The following CREB3L2 variants were observed in gnomAD, a reference collection of about 807,000 sequenced individuals.
CREB3L2 encodes cyclic AMP-responsive element-binding protein 3-like protein 2.
CREB3L2 carries 23 observed loss-of-function variants against 57.2 expected under a neutral mutation model. The observed-to-expected ratio is 0.40, with a 90% CI of 0.29 to 0.57. The LOEUF (loss-of-function observed/expected upper bound fraction) is 0.57, where lower values mean the gene tolerates loss of function less well. Among genes scored for constraint, CREB3L2 ranks in the 20% least tolerant of loss-of-function variants. The probability of loss-of-function intolerance (pLI) is 0.42; values close to 1 mark genes in which losing one functional copy is unlikely to be tolerated. For synonymous variants in CREB3L2, 268 were observed against 265.1 expected, an observed-to-expected ratio of 1.01 and a Z score of -0.11; for missense variants, 628 against 634.7, an observed-to-expected ratio of 0.99 and a Z score of 0.11.
chr7:137,969,369 CAG>C (rs1319112361), intron 1 of CREB3L2, among the ~76,000 whole-genome samples: 1 of 109,120 alleles, frequency 9.2e-6, no homozygotes, highest in African/African-American at 3.7e-5. Flanking sequence ...TTTTTTGAGA[CAG>C]AGTCTCATGC....
chr7:137,886,504 C>G (rs116627010), intron 8 of CREB3L2, among the ~76,000 whole-genome samples: 1 of 152,120 alleles, frequency 6.6e-6, no homozygotes, highest in African/African-American at 2.4e-5. Flanking sequence ...AAAACAAGAA[C>G]GGCTCTGTTT....
intron 4 of CREB3L2, among the ~76,000 whole-genome samples, chr7:137,910,583 A>C (rs985349453): frequency 6.6e-6 from 1 of 151,992 alleles, no homozygotes; most frequent in Admixed American, 6.6e-5. Flanking sequence ...AAACAAACAA[A>C]AAAACGGGAA....
chr7:137,976,229 C>T (rs1801605886), intron 1 of CREB3L2, among the ~76,000 whole-genome samples: 1 of 152,174 alleles, frequency 6.6e-6, no homozygotes, highest in Non-Finnish European at 1.5e-5. Flanking sequence ...AATATATGGC[C>T]ACCCAGCCAC....
chr7:137,896,560 C>A (rs186592565), intron 8 of CREB3L2, among the ~76,000 whole-genome samples: 90 of 152,270 alleles, frequency 5.9e-4, no homozygotes, highest in African/African-American at 2.0e-3. Flanking sequence ...CACGGCCTCC[C>A]AAAATACTGG....
At position 137,877,287 on chromosome 7, in the gene CREB3L2, C is replaced by T. The variant is rs910565488; in HGVS notation, c.*3189G>A. ...TCCAAATCAAAATCATTTATATTAA[C>T]CAAAAGGTTATCTAATTTTGCCCAT... On this transcript the variant is annotated 3_prime_UTR_variant, in exon 12 of 12. Transcript: ENST00000330387. 1.3e-5 allele frequency: 3 copies of T among 225,862 alleles called. No individual in the cohort carries two copies. Among genetic ancestry groups the T allele is most frequent in the Admixed American group, 5.7e-5 (1 of 17,530 alleles). 14.0% of individuals were successfully genotyped at this position (225,862 alleles called of 1,614,324 possible).
At chr7:137,937,063 C>T (rs9656495) in intron 1 of CREB3L2, among the ~76,000 whole-genome samples, 3,834 of 152,196 alleles carry the variant, frequency 0.025, 136 homozygotes, top group African/African-American at 0.078. Context: ...TCTGAGCTCC[C>T]CAAGCATTCA....
At chr7:137,913,175 A>ATAGG in intron 3 of CREB3L2, 97 bp from the exon 4 acceptor site, 1 of 1,254,798 alleles carries the variant, frequency 8.0e-7, no homozygotes, top group Non-Finnish European at 1.1e-6. Context: ...TCCTCTCGGG[A>ATAGG]CAGCCCTGCC....
intron 1 of CREB3L2, among the ~76,000 whole-genome samples, chr7:137,943,515 T>C (rs1269908234): frequency 3.3e-5 from 5 of 152,200 alleles, no homozygotes; most frequent in Non-Finnish European, 7.3e-5. Flanking sequence ...TTAAAACTAC[T>C]GTACTACTTT....
chr7:137,884,254 T>TA (rs1391729517), intron 10 of CREB3L2: 1 of 150,190 alleles, frequency 6.7e-6, no homozygotes, highest in African/African-American at 2.5e-5. Flanking sequence ...TGATTCTTTT[T>TA]TTTTTTTTTT....
At chr7:137,949,866 G>A (rs1801064910) in intron 1 of CREB3L2, among the ~76,000 whole-genome samples, 2 of 152,200 alleles carry the variant, frequency 1.3e-5, no homozygotes, top group African/African-American at 2.4e-5. Context: ...AGGCCGAGTT[G>A]CTGGGAAACA....
Position 137,915,695 on chromosome 7 carries a change from T to C in CREB3L2, c.495+142A>G, listed in dbSNP as rs569331947. 10 of 603,726 alleles carry C rather than the reference T, an allele frequency of 1.7e-5. No homozygotes were observed. In the South Asian group the frequency reaches 2.5e-4, roughly 15 times the overall value. 37.4% of individuals were successfully genotyped at this position (603,726 alleles called of 1,614,324 possible). ...CATACCCTTATTAAATGTATACATA[T>C]GTATATACACACATATGAAGTTGCA... On this transcript the variant is annotated intron_variant, in intron 3 of 11. Transcript: ENST00000330387.
At chr7:137,955,582 GCAC>G (rs1801193687) in intron 1 of CREB3L2, among the ~76,000 whole-genome samples, 1 of 151,978 alleles carries the variant, frequency 6.6e-6, no homozygotes, top group South Asian at 2.1e-4. Context: ...AATTTAACAG[GCAC>G]CCCTGAAATC....
chr7:137,942,648 A>G (rs1246542116), intron 1 of CREB3L2, among the ~76,000 whole-genome samples: 1 of 152,250 alleles, frequency 6.6e-6, no homozygotes, highest in Non-Finnish European at 1.5e-5. Flanking sequence ...TAGTGATCTC[A>G]GCAGGTTATT....
intron 8 of CREB3L2, among the ~76,000 whole-genome samples, chr7:137,887,487 T>A (rs1238255359): frequency 6.6e-6 from 1 of 152,106 alleles, no homozygotes; most frequent in African/African-American, 2.4e-5. Context: ...GGTGGCCAGA[T>A]CACGAGGTCA....
In CREB3L2 at chr7:138,001,768, C is replaced by T; in HGVS notation, c.-63G>A. 1 of 1,241,090 alleles carries T rather than the reference C, an allele frequency of 8.1e-7. No individual in the cohort carries two copies. The highest frequency in any genetic ancestry group is 1.1e-6 in the Non-Finnish European group (1 of 913,346). The allele number at this position is 1,241,090 out of a possible 1,614,324, so 76.9% of individuals were successfully genotyped here. On this transcript the variant is annotated 5_prime_UTR_variant, in exon 1 of 12. Coordinates refer to ENST00000330387, the MANE Select transcript of CREB3L2 (RefSeq NM_194071.4). The surrounding 1 kb of genome is among the most constrained non-coding windows in gnomAD (Gnocchi z 4.2). ...CAGGAGGGGACGCGCAGAGCTGCCTCGGACCGGCAAGGTTCCTCTCTCTCC... is the reference window on the plus strand; with the variant it reads ...CAGGAGGGGACGCGCAGAGCTGCCTTGGACCGGCAAGGTTCCTCTCTCTCC...
Position 137,913,333 on chromosome 7 carries a change from A to T in CREB3L2, c.496-255T>A, listed in dbSNP as rs273959. 2.0e-5 allele frequency among the ~76,000 whole-genome samples: 3 copies of T among 151,576 alleles called. No individual in the cohort carries two copies. In the South Asian group the frequency reaches 6.2e-4, roughly 31 times the overall value. On this transcript the variant is annotated intron_variant, in intron 3 of 11. Transcript: ENST00000330387. ...CCACCCTGGGTAACATAGTGAGACAACGTCTCCCCAAAAAAATACAAAAAT... is the reference window on the plus strand; with the variant it reads ...CCACCCTGGGTAACATAGTGAGACATCGTCTCCCCAAAAAAATACAAAAAT...
chr7:137,942,685 T>C (rs1800898019), intron 1 of CREB3L2, among the ~76,000 whole-genome samples: 1 of 152,234 alleles, frequency 6.6e-6, no homozygotes, highest in Non-Finnish European at 1.5e-5. Flanking sequence ...AGAGATATTC[T>C]GCAGTCCTGC....
chr7:137,891,109 G>A (rs1264152385), intron 8 of CREB3L2, among the ~76,000 whole-genome samples: 1 of 152,222 alleles, frequency 6.6e-6, no homozygotes, highest in Admixed American at 6.5e-5. Flanking sequence ...TTAAATTGGA[G>A]TGTCCAACAC....
intron 1 of CREB3L2, among the ~76,000 whole-genome samples, chr7:137,950,486 C>A (rs776211792): frequency 1.3e-5 from 2 of 152,176 alleles, no homozygotes; most frequent in Non-Finnish European, 2.9e-5. Context: ...CTGTTCCCTA[C>A]TGAGACACAA....
Sources: gnomAD v4.1 joint callset for allele counts (sites outside exome capture counted in the v4.1 genomes callset) on GRCh38, gnomAD v4.1.1 for gene constraint, Gnocchi (gnomAD v3.1) non-coding constraint, MANE v1.5 for transcripts, NCBI Gene and HGNC (gene_info 2026-07-23, HGNC 2026-07-21) for gene names.